DPP6: variants seen among roughly 807,000 people sequenced by gnomAD.
DPP6 encodes A-type potassium channel modulatory protein DPP6.
DPP6 carries 69 observed loss-of-function variants against 122.6 expected under a neutral mutation model. The ratio of observed to expected loss-of-function variants is 0.56; its 90% CI spans 0.46 to 0.69. The LOEUF (loss-of-function observed/expected upper bound fraction) is 0.69. Among genes scored for constraint, DPP6 ranks in the 30% least tolerant of loss-of-function variants. The pLI is 0.00. For synonymous variants in DPP6, 418 were observed against 433.1 expected, an observed-to-expected ratio of 0.97 and a Z score of 0.43; for missense variants, 928 against 1,116.9, an observed-to-expected ratio of 0.83 and a Z score of 2.41.
chr7:154,174,484 A>G (rs919622188), intron 1 of DPP6, among the ~76,000 whole-genome samples: 5 of 152,230 alleles, frequency 3.3e-5, no homozygotes, highest in Non-Finnish European at 5.9e-5. Flanking sequence ...TTAGAAATAA[A>G]TCCTTGGAAT....
intron 1 of DPP6, among the ~76,000 whole-genome samples, chr7:154,393,318 A>G (rs533841668): frequency 1.4e-4 from 22 of 152,324 alleles, no homozygotes; most frequent in Middle Eastern, 3.4e-3. Context: ...AGGAGAAACT[A>G]TTAGAATTTG....
At chr7:154,076,372 C>T (rs933404730) in intron 1 of DPP6, among the ~76,000 whole-genome samples, 2 of 151,742 alleles carry the variant, frequency 1.3e-5, no homozygotes, top group Admixed American at 6.6e-5. Flanking sequence ...ATCTCTTGAA[C>T]CTGGGAGGCG....
chr7:154,871,178 T>C (rs1207705422), intron 18 of DPP6, among the ~76,000 whole-genome samples: 1 of 152,134 alleles, frequency 6.6e-6, no homozygotes. Flanking sequence ...CCAGTAACGC[T>C]TCCCAAGCCT....
chr7:154,279,580 C>T (rs1156625740), intron 1 of DPP6, among the ~76,000 whole-genome samples: 2 of 152,272 alleles, frequency 1.3e-5, no homozygotes, highest in Non-Finnish European at 1.5e-5. Context: ...TGAACGTGAG[C>T]CTTTCTTCCT....
intron 2 of DPP6, among the ~76,000 whole-genome samples, chr7:154,456,561 T>G (rs886716648): frequency 1.1e-5 from 1 of 89,512 alleles, no homozygotes; most frequent in Non-Finnish European, 2.4e-5. Context: ...GGCTAAAAAA[T>G]GCGCCCCCCC....
intron 7 of DPP6, among the ~76,000 whole-genome samples, chr7:154,675,529 C>T (rs575993928): frequency 1.3e-5 from 2 of 152,246 alleles, no homozygotes; most frequent in African/African-American, 4.8e-5. Context: ...GCTTAGTGCA[C>T]GGGACCCTGC....
chr7:153,909,208 T>C lies in DPP6; in HGVS notation c.51+21474T>C, dbSNP rs557772284. On this transcript the variant is annotated intron_variant, in intron 1 of 25. Coordinates refer to the DPP6 transcript ENST00000404039. ...TGGGTCTTGAATGGGCATGCTGAGG[T>C]TCTACCTCTGGGCAGGAAGATAGGT... Among the ~76,000 whole-genome samples, 17 of 152,280 alleles carry C rather than the reference T, an allele frequency of 1.1e-4. No individual in the cohort carries two copies. The South Asian group carries it at 3.5e-3, about 32-fold the overall frequency.
intron 1 of DPP6, among the ~76,000 whole-genome samples, chr7:153,960,686 C>A (rs566603676): frequency 2.0e-5 from 3 of 147,920 alleles, no homozygotes; most frequent in East Asian, 4.0e-4. Context: ...TGTGTACATG[C>A]GTGTGCATGT....
At chr7:154,784,855 A>G (rs1797245488) in intron 10 of DPP6, among the ~76,000 whole-genome samples, 1 of 152,170 alleles carries the variant, frequency 6.6e-6, no homozygotes, top group Admixed American at 6.5e-5. Context: ...CCATCCCCTT[A>G]TCAGATGAAT....
At chr7:154,166,179 A>G (rs1797237375) in intron 1 of DPP6, among the ~76,000 whole-genome samples, 3 of 151,984 alleles carry the variant, frequency 2.0e-5, no homozygotes, top group East Asian at 1.9e-4. Context: ...TTCATTCTCT[A>G]TTTTAGATTT....
intron 1 of DPP6, among the ~76,000 whole-genome samples, chr7:153,963,895 G>A (rs567197799): frequency 9.8e-5 from 15 of 152,312 alleles, no homozygotes; most frequent in Admixed American, 9.1e-4. Context: ...GTTGAGCTCT[G>A]AGACTTGGCT....
At chr7:154,246,441 G>A (rs140883313) in intron 1 of DPP6, among the ~76,000 whole-genome samples, 49 of 152,100 alleles carry the variant, frequency 3.2e-4, no homozygotes, top group African/African-American at 1.1e-3. Context: ...GAAGAGATTC[G>A]ATATTATCAA....
At chr7:154,844,405 GA>G (rs1302378794) in intron 16 of DPP6, among the ~76,000 whole-genome samples, 2 of 152,204 alleles carry the variant, frequency 1.3e-5, no homozygotes, top group African/African-American at 4.8e-5. Context: ...CTCTTCTCTA[GA>G]AATCTTAGGT....
intron 1 of DPP6, among the ~76,000 whole-genome samples, chr7:154,207,468 C>A (rs1213025905): frequency 1.3e-5 from 2 of 152,238 alleles, no homozygotes; most frequent in Non-Finnish European, 2.9e-5. Context: ...CAGACCACTT[C>A]ACCTGTTGGG....
chr7:154,106,196 C>T (rs1201482787), intron 1 of DPP6, among the ~76,000 whole-genome samples: 1 of 142,882 alleles, frequency 7.0e-6, no homozygotes, highest in African/African-American at 2.7e-5. Flanking sequence ...TTACTTCCTT[C>T]TTTGCTCCCA....
Position 154,060,532 on chromosome 7 carries a change from T to A in DPP6, c.243+7469T>A, listed in dbSNP as rs1283379418. Reference sequence around the variant, plus strand: ...CACCTGGAGGACTGCGGGTGTTAGGTGTCCAAGTAGAAAGTTCAAATCTTC... The same window carrying A: ...CACCTGGAGGACTGCGGGTGTTAGGAGTCCAAGTAGAAAGTTCAAATCTTC... On this transcript the variant is annotated intron_variant, in intron 1 of 25. Coordinates refer to ENST00000377770, the MANE Select transcript of DPP6 (RefSeq NM_130797.4). Among the ~76,000 whole-genome samples, 5 of 135,458 alleles carry A rather than the reference T, an allele frequency of 3.7e-5. 1 individual carries two copies. The highest frequency in any genetic ancestry group is 2.4e-4 in the South Asian group (1 of 4,150). 88.9% of individuals were successfully genotyped at this position (135,458 alleles called of 152,430 possible). A position where few individuals can be genotyped will look rare whatever the true frequency, so the allele number is the denominator to read the frequency against.
chr7:154,710,076 T>C (rs1482249293), intron 7 of DPP6, among the ~76,000 whole-genome samples: 1 of 152,332 alleles, frequency 6.6e-6, no homozygotes, highest in East Asian at 1.9e-4. Flanking sequence ...TCAATGCTGC[T>C]GTCCCCCCAA....
chr7:154,148,157 G>T (rs1402355235), intron 1 of DPP6, among the ~76,000 whole-genome samples: 3 of 145,418 alleles, frequency 2.1e-5, no homozygotes, highest in Non-Finnish European at 4.5e-5. Context: ...AAGTCTGAAG[G>T]GAGTCACCTC....
chr7:154,348,408 C>G (rs1281513692), intron 1 of DPP6, among the ~76,000 whole-genome samples: 1 of 152,172 alleles, frequency 6.6e-6, no homozygotes, highest in Non-Finnish European at 1.5e-5. Flanking sequence ...TTAATTAAAT[C>G]TGAAATCCTA....
Sources: allele counts gnomAD v4.1 joint callset (sites outside exome capture counted in the v4.1 genomes callset), GRCh38; gene constraint gnomAD v4.1.1; transcripts MANE v1.5; gene names NCBI Gene and HGNC (gene_info 2026-07-23, HGNC 2026-07-21).